Variants in PRDM16 observed in about 807,000 individuals in gnomAD.
PRDM16 encodes the protein PR/SET domain 16.
PRDM16 carries 23 observed loss-of-function variants against 110.6 expected under a neutral mutation model. The ratio of observed to expected loss-of-function variants is 0.21; its 90% confidence interval spans 0.15 to 0.29. The LOEUF is 0.29. PRDM16 is among the 10% of genes least tolerant of loss of function. PRDM16 has a pLI of 1.00. For missense variants in PRDM16, 1,615 were observed against 1,794.3 expected (o/e 0.90, Z 1.81); for synonymous variants, 799 against 781.8 (o/e 1.02, Z -0.37).
rs560311834 is a variant in PRDM16 at position 3,077,300 on chromosome 1, C to A, written c.37+8004C>A. 5.3e-5 allele frequency among the ~76,000 whole-genome samples: 8 copies of A among 152,318 alleles called. No homozygotes were observed. In the East Asian group the frequency reaches 1.4e-3, roughly 26 times the overall value. ...CCCAGAAACCCAGGCTCTGTTCACCCCAACTCTGCATCGTGTGTGTGTCCC... is the reference window on the plus strand; with the variant it reads ...CCCAGAAACCCAGGCTCTGTTCACCACAACTCTGCATCGTGTGTGTGTCCC... On this transcript the variant is annotated intron_variant, in intron 1 of 16. Coordinates refer to ENST00000270722, the MANE Select transcript of PRDM16 (RefSeq NM_022114.4).
chr1:3,093,110 G>A (rs955066901), intron 1 of PRDM16, among the ~76,000 whole-genome samples: 1 of 152,188 alleles, frequency 6.6e-6, no homozygotes, highest in African/African-American at 2.4e-5. Flanking sequence ...TGACCTGGCT[G>A]AGAAGTGAGA....
Position 3,188,824 on chromosome 1 carries a change from A to C in PRDM16, c.387+2350A>C, listed in dbSNP as rs995983402. On this transcript the variant is annotated intron_variant, in intron 2 of 16. Coordinates refer to ENST00000270722, the MANE Select transcript of PRDM16 (RefSeq NM_022114.4). ...AGCCACCACCTCCTCTGAGAAGGAG[A>C]GAGAGGAGGAAGCAGGGGGCGGGAA... 1.1e-4 allele frequency among the ~76,000 whole-genome samples: 16 copies of C among 152,232 alleles called. 5 individuals are homozygous for C. Among genetic ancestry groups the C allele is most frequent in the Admixed American group, 4.6e-4 (7 of 15,298 alleles).
rs59659563 is a variant in PRDM16 at position 3,209,596 on chromosome 1, A to G, written c.387+23122A>G. Among the ~76,000 whole-genome samples the G allele has an allele frequency of 0.039, 5,993 of 152,310 alleles. 353 individuals are homozygous for G. The highest frequency in any genetic ancestry group is 0.13 in the African/African-American group (5,302 of 41,542). On this transcript the variant is annotated intron_variant, in intron 2 of 16. Transcript: ENST00000270722. This position sits in a 1 kb window ranked among gnomAD's most constrained non-coding sequence, Gnocchi z 4.6. Reference sequence around the variant, plus strand: ...GGTGCGCGTGGAAGCTGAGCGCCTCAGTGGAATGTCCTGGAACCTCACTTC... The same window carrying G: ...GGTGCGCGTGGAAGCTGAGCGCCTCGGTGGAATGTCCTGGAACCTCACTTC...
intron 1 of PRDM16, among the ~76,000 whole-genome samples, chr1:3,146,233 G>C (rs993735445): frequency 6.6e-6 from 1 of 152,214 alleles, no homozygotes; most frequent in African/African-American, 2.4e-5. Flanking sequence ...GGGGGGGCCC[G>C]CTAACCAATG....
intron 6 of PRDM16, 108 bp from the exon 7 acceptor site, chr1:3,404,631 G>C: frequency 7.4e-7 from 1 of 1,352,114 alleles, no homozygotes; most frequent in Non-Finnish European, 1.0e-6. Flanking sequence ...CCTCGGCAGC[G>C]TGGTGGGGGC....
intron 1 of PRDM16, among the ~76,000 whole-genome samples, chr1:3,178,732 T>A (rs550283399): frequency 4.6e-5 from 7 of 152,228 alleles, no homozygotes; most frequent in African/African-American, 1.7e-4. Context: ...GCCCTGCTCC[T>A]TGAGGGCACC....
intron 3 of PRDM16, among the ~76,000 whole-genome samples, chr1:3,259,189 G>A (rs1446742860): frequency 1.3e-5 from 2 of 152,146 alleles, no homozygotes; most frequent in Non-Finnish European, 2.9e-5. Flanking sequence ...AGTTCACACC[G>A]GCCCAAGGGG....
rs116347937 is a variant in PRDM16, at chr1:3,139,720, G to A, written c.38-46405G>A. ...GCTGTGGCCTGCTGGCCAGGAGGGC[G>A]TCACCTCGGAAGCCCATGCACCTGA... On this transcript the variant is annotated intron_variant, in intron 1 of 16. Transcript: ENST00000270722. 7.6e-3 allele frequency among the ~76,000 whole-genome samples: 1,158 copies of A among 152,358 alleles called. 16 individuals carry two copies. Among genetic ancestry groups the A allele is most frequent in the African/African-American group, 0.026 (1,068 of 41,584 alleles).
intron 4 of PRDM16, among the ~76,000 whole-genome samples, chr1:3,388,384 A>G (rs1643238213): frequency 6.6e-6 from 1 of 152,148 alleles, no homozygotes; most frequent in Non-Finnish European, 1.5e-5. Flanking sequence ...AAGGAACCAT[A>G]TCTGAACATC....
intron 2 of PRDM16, among the ~76,000 whole-genome samples, chr1:3,240,382 C>T (rs1472656191): frequency 6.7e-6 from 1 of 148,578 alleles, no homozygotes; most frequent in East Asian, 1.9e-4. Flanking sequence ...CCACTGCACT[C>T]CAGCCTGGGT....
intron 1 of PRDM16, among the ~76,000 whole-genome samples, chr1:3,126,583 A>C (rs1643214008): frequency 6.6e-6 from 1 of 152,138 alleles, no homozygotes; most frequent in Admixed American, 6.5e-5. Context: ...AATCCCAAGC[A>C]GTGGCCTACC....
chr1:3,393,829 G>A (rs1472834723), intron 4 of PRDM16, among the ~76,000 whole-genome samples: 2 of 152,202 alleles, frequency 1.3e-5, no homozygotes, highest in Non-Finnish European at 2.9e-5. Flanking sequence ...CGAAGCAGTT[G>A]GAGGCAGGTC....
chr1:3,108,745 C>A (rs551040392), intron 1 of PRDM16, among the ~76,000 whole-genome samples: 1 of 152,258 alleles, frequency 6.6e-6, no homozygotes, highest in Non-Finnish European at 1.5e-5. Context: ...GATGTCTGTT[C>A]CCTTCCTGTC....
At chr1:3,079,509 T>C (rs1641973256) in intron 1 of PRDM16, among the ~76,000 whole-genome samples, 1 of 151,912 alleles carries the variant, frequency 6.6e-6, no homozygotes, top group Admixed American at 6.5e-5. Context: ...AAAATACTGC[T>C]GCCTTAGGCA....
chr1:3,147,939 C>A (rs551656851), intron 1 of PRDM16, among the ~76,000 whole-genome samples: 7 of 152,198 alleles, frequency 4.6e-5, no homozygotes, highest in Non-Finnish European at 8.8e-5. Flanking sequence ...CCCCTCACTG[C>A]GCTGACAGTC....
chr1:3,137,177 C>T (rs1643457180), intron 1 of PRDM16, among the ~76,000 whole-genome samples: 1 of 152,240 alleles, frequency 6.6e-6, no homozygotes, highest in Non-Finnish European at 1.5e-5. Flanking sequence ...CTCCGGCATC[C>T]CCTCCTCAGC....
intron 2 of PRDM16, among the ~76,000 whole-genome samples, chr1:3,221,192 G>A (rs1639143149): frequency 6.6e-6 from 1 of 151,938 alleles, no homozygotes; most frequent in Non-Finnish European, 1.5e-5. Context: ...GGCAAAGATG[G>A]GCAGTGCCCC....
At chr1:3,141,978 G>A (rs61572897) in intron 1 of PRDM16, among the ~76,000 whole-genome samples, 3 of 152,260 alleles carry the variant, frequency 2.0e-5, no homozygotes, top group Non-Finnish European at 4.4e-5. Flanking sequence ...ATGGTGCACC[G>A]CGTTTCCGAA....
chr1:3,239,785 C>T (rs925275541), intron 2 of PRDM16, among the ~76,000 whole-genome samples: 5 of 151,898 alleles, frequency 3.3e-5, no homozygotes, highest in Admixed American at 2.6e-4. Flanking sequence ...CCTGTCTCTA[C>T]AAAAAATACA....
Sources: allele counts gnomAD v4.1 joint callset (sites outside exome capture counted in the v4.1 genomes callset), GRCh38; gene constraint gnomAD v4.1.1; non-coding constraint Gnocchi (gnomAD v3.1); transcripts MANE v1.5; gene names NCBI Gene and HGNC (gene_info 2026-07-23, HGNC 2026-07-21).